Variants in GCA observed in about 807,000 individuals in gnomAD.
The protein encoded by GCA is grancalcin, EF-hand calcium-binding protein.
Under a neutral mutation model 32.6 loss-of-function variants are expected in GCA, and 30 were observed. That is an observed-to-expected ratio of 0.92 (90% confidence interval 0.69 to 1.25). GCA has a LOEUF of 1.25. Among genes scored for constraint, GCA ranks in the 50% most tolerant of loss-of-function variants. The pLI is 0.00. For missense variants in GCA, 291 were observed against 266.8 expected, an observed-to-expected ratio of 1.09 and a Z score of -0.63; for synonymous variants, 102 against 84.6, an observed-to-expected ratio of 1.21 and a Z score of -1.13.
At chr2:162,326,635 A>G (rs1210271222) in intron 1 of GCA, among the ~76,000 whole-genome samples, 2 of 151,864 alleles carry the variant, frequency 1.3e-5, no homozygotes, top group Admixed American at 1.3e-4. Context: ...TCCTGCCTCC[A>G]CCTCCCAAGT....
upstream of GCA, among the ~76,000 whole-genome samples, chr2:162,340,741 C>T (rs1684415179): frequency 6.6e-6 from 1 of 152,200 alleles, no homozygotes; most frequent in East Asian, 1.9e-4. Context: ...CTATTCCAGG[C>T]TCACTGGCCT....
intron 1 of GCA, chr2:162,346,523 A>G (rs1381330776): frequency 1.3e-5 from 2 of 152,174 alleles, no homozygotes. Flanking sequence ...AAAAGACACC[A>G]TGGCAGTTCC....
intron 6 of GCA, 75 bp from the exon 7 acceptor site, chr2:162,359,419 G>A (rs1685458846): frequency 3.0e-6 from 2 of 658,458 alleles, no homozygotes; most frequent in East Asian, 5.8e-5. Flanking sequence ...TATTCTTTTT[G>A]TGTACCTGGG....
rs927611334 is a variant in GCA at position 162,344,159 on chromosome 2, T to C, written c.-90T>C. 3 of 1,406,396 alleles carry C rather than the reference T, an allele frequency of 2.1e-6. No individual in the cohort carries two copies. Among genetic ancestry groups the C allele is most frequent in the African/African-American group, 2.8e-5 (2 of 70,852 alleles). The allele number at this position is 1,406,396 out of a possible 1,614,324, so 87.1% of individuals were successfully genotyped here. On this transcript the variant is annotated 5_prime_UTR_variant, in exon 1 of 8. Transcript: ENST00000437150. ...TGCGCCTTTCAGCCTCACCTGCAGC[T>C]GCGCCTCCTTGCACCTGCGCCTGTG...
chr2:162,354,230 C>T (rs1262144682), intron 3 of GCA, among the ~76,000 whole-genome samples: 1 of 152,082 alleles, frequency 6.6e-6, no homozygotes, highest in East Asian at 1.9e-4. Context: ...CATGGTTAGG[C>T]ATTGATTGTG....
In GCA at chr2:162,359,512, A is replaced by G; in HGVS notation, c.587A>G (p.Asp196Gly). The change falls in exon 7 of 8, where the codon GAC (aspartate) becomes GGC (glycine). Residue 196 changes from aspartate to glycine, a missense_variant. Physicochemically the swap from Asp to Gly is moderately conservative, Grantham distance 94. Transcript: ENST00000437150. ...TTTAAAGATTTCTTTAGGAAAAGAG[A>G]CCACTTGCAACAAGGGTCTGCGAAT... ...RALTDFFRKR[D>G]HLQQGSANFI... 6.5e-7 allele frequency: 1 copy of G among 1,531,106 alleles called. No individual in the cohort carries two copies. Among genetic ancestry groups the G allele is most frequent in the Non-Finnish European group, 9.0e-7 (1 of 1,114,640 alleles). The allele number at this position is 1,531,106 out of a possible 1,614,324, so 94.8% of individuals were successfully genotyped here.
In GCA at chr2:162,356,871, A is replaced by G. The variant is rs147889616; in HGVS notation, c.420A>G (p.Glu140=). The G allele has an allele frequency of 6.4e-4, 1,025 of 1,609,958 alleles. 12 individuals carry two copies. The East Asian group carries it at 0.016, about 26-fold the overall frequency. Reference sequence around the variant, plus strand: ...ATCAAGATGGAAGTGGCACAGTAGAACATCATGAGTTGCGTCAAGCCATTG... The same window carrying G: ...ATCAAGATGGAAGTGGCACAGTAGAGCATCATGAGTTGCGTCAAGCCATTG... The part of the protein sequence containing the change: ...TVDQDGSGTV[E]HHELRQAIGL... The change falls in exon 5 of 8, where the codon GAA becomes GAG. Residue 140 remains glutamate, a synonymous_variant. Transcript: ENST00000437150.
upstream of GCA, among the ~76,000 whole-genome samples, chr2:162,341,267 T>TTATATATATATA (rs3052040): frequency 0.01 from 1,161 of 116,092 alleles, 12 homozygotes; most frequent in Non-Finnish European, 0.012. Flanking sequence ...CTTATTTATT[T>TTATATATATATA]TATATATATA....
chr2:162,328,635 C>A (rs997892402), intron 1 of GCA, among the ~76,000 whole-genome samples: 2 of 152,140 alleles, frequency 1.3e-5, no homozygotes, highest in African/African-American at 4.8e-5. Flanking sequence ...GCTCCTGAAG[C>A]CTCGGTGGGA....
At chr2:162,327,418 G>A (rs1408628717) in intron 1 of GCA, among the ~76,000 whole-genome samples, 1 of 152,104 alleles carries the variant, frequency 6.6e-6, no homozygotes, top group Non-Finnish European at 1.5e-5. Context: ...CAAAAAAGGG[G>A]GGATGCTAGG....
chr2:162,356,036 CA>C (rs1553466180), intron 3 of GCA, among the ~76,000 whole-genome samples: 3 of 151,982 alleles, frequency 2.0e-5, no homozygotes, highest in Non-Finnish European at 4.4e-5. Flanking sequence ...CACTCTCTCC[CA>C]TATACTTTAA....
chr2:162,361,205 T>C lies in GCA; in HGVS notation c.*962T>C. ...GCCATTAAAAACCCAGTAAGTATTTTGAGTGCATCTATGTGATGTGGTGTT... is the reference window on the plus strand; with the variant it reads ...GCCATTAAAAACCCAGTAAGTATTTCGAGTGCATCTATGTGATGTGGTGTT... On this transcript the variant is annotated 3_prime_UTR_variant, in exon 8 of 8. Coordinates refer to ENST00000437150, the MANE Select transcript of GCA (RefSeq NM_012198.5). 1.0e-6 allele frequency: 1 copy of C among 985,026 alleles called. No individual in the cohort carries two copies. The highest frequency in any genetic ancestry group is 1.2e-6 in the Non-Finnish European group (1 of 829,690). The allele number at this position is 985,026 out of a possible 1,614,324, so 61.0% of individuals were successfully genotyped here. A position where few individuals can be genotyped will look rare whatever the true frequency, so the allele number is the denominator to read the frequency against.
downstream of GCA, among the ~76,000 whole-genome samples, chr2:162,365,213 TAGATC>T (rs1685714740): frequency 6.6e-6 from 1 of 151,546 alleles, no homozygotes; most frequent in Admixed American, 6.6e-5. Flanking sequence ...CATGTATAAA[TAGATC>T]AGAAATTATA....
chr2:162,328,159 T>C (rs940565697), intron 1 of GCA, among the ~76,000 whole-genome samples: 10 of 142,666 alleles, frequency 7.0e-5, no homozygotes, highest in African/African-American at 2.7e-4. Flanking sequence ...GGTGAGTGGA[T>C]CACCTGAAGT....
chr2:162,364,309 T>G (rs1183439646), downstream of GCA, among the ~76,000 whole-genome samples: 1 of 151,526 alleles, frequency 6.6e-6, no homozygotes, highest in East Asian at 1.9e-4. Context: ...TATTAAATAT[T>G]CATTTTTTTG....
chr2:162,365,345 C>A (rs1365510644), downstream of GCA, among the ~76,000 whole-genome samples: 1 of 151,386 alleles, frequency 6.6e-6, no homozygotes, highest in African/African-American at 2.4e-5. Flanking sequence ...TTCTTATTTA[C>A]AGTTATCTGT....
downstream of GCA, chr2:162,373,649 T>C: frequency 6.6e-7 from 1 of 1,518,070 alleles, no homozygotes; most frequent in Non-Finnish European, 8.8e-7. Flanking sequence ...TCAGTGGTCA[T>C]TTGGGATTCA....
chr2:162,358,889 CT>C (rs1685416565), intron 5 of GCA, among the ~76,000 whole-genome samples, 154 bp from the exon 6 acceptor site: 1 of 151,250 alleles, frequency 6.6e-6, no homozygotes, highest in Admixed American at 6.6e-5. Context: ...ACAGTGAAGC[CT>C]TTGTCTGATG....
At chr2:162,345,506 A>G (rs1445792039) in intron 1 of GCA, among the ~76,000 whole-genome samples, 1 of 152,006 alleles carries the variant, frequency 6.6e-6, no homozygotes, top group Non-Finnish European at 1.5e-5. Flanking sequence ...AGAGTAATAC[A>G]TTTTCATTCA....
Sources: gnomAD v4.1 joint callset for allele counts (sites outside exome capture counted in the v4.1 genomes callset) on GRCh38, gnomAD v4.1.1 for gene constraint, MANE v1.5 for transcripts, NCBI Gene and HGNC (gene_info 2026-07-23, HGNC 2026-07-21) for gene names.